The following TTLL5 variants were observed in gnomAD, a reference collection of about 807,000 sequenced individuals.
TTLL5 encodes the protein tubulin polyglutamylase TTLL5.
A neutral mutation model predicts 168.4 loss-of-function variants in TTLL5; 132 were observed. That is an observed-to-expected ratio of 0.78 (90% CI 0.68 to 0.91). The LOEUF (loss-of-function observed/expected upper bound fraction) is 0.91. Among genes scored for constraint, TTLL5 ranks in the 40% least tolerant of loss-of-function variants. TTLL5 has a pLI of 0.00. For synonymous variants in TTLL5, 546 were observed against 558.6 expected (o/e 0.98, Z 0.32); for missense variants, 1,545 against 1,581.5 (o/e 0.98, Z 0.39).
At chr14:75,881,165 C>T (rs2031793013) in intron 29 of TTLL5, among the ~76,000 whole-genome samples, 1 of 152,176 alleles carries the variant, frequency 6.6e-6, no homozygotes, top group African/African-American at 2.4e-5. Context: ...CCACATGTCT[C>T]AGCCTCCCAA....
intron 24 of TTLL5, among the ~76,000 whole-genome samples, chr14:75,782,159 A>G (rs1386262138): frequency 6.6e-6 from 1 of 152,010 alleles, no homozygotes; most frequent in African/African-American, 2.4e-5. Flanking sequence ...AATTCCTGGC[A>G]TAAATCTGAC....
At chr14:75,735,841 T>C (rs1170154326) in intron 15 of TTLL5, among the ~76,000 whole-genome samples, 1 of 152,226 alleles carries the variant, frequency 6.6e-6, no homozygotes, top group Admixed American at 6.5e-5. Flanking sequence ...GCATTTTTGT[T>C]CCAGTTAAAC....
intron 31 of TTLL5, among the ~76,000 whole-genome samples, chr14:75,932,813 A>T (rs8011087): frequency 6.6e-6 from 1 of 152,058 alleles, no homozygotes; most frequent in Non-Finnish European, 1.5e-5. Flanking sequence ...AATAGTTGCC[A>T]TGTCTTCTTC....
chr14:75,756,615 C>G (rs1464208668), intron 18 of TTLL5, among the ~76,000 whole-genome samples: 2 of 151,510 alleles, frequency 1.3e-5, no homozygotes, highest in African/African-American at 2.4e-5. Context: ...TCAAGTGATT[C>G]TCCTGCCTCA....
chr14:75,706,278 A>G (rs190618208), intron 7 of TTLL5, among the ~76,000 whole-genome samples: 6 of 152,136 alleles, frequency 3.9e-5, no homozygotes, highest in Admixed American at 1.3e-4. Flanking sequence ...TTTAAATTCT[A>G]TATTTTGCTG....
chr14:75,790,102 G>A (rs1314499050), intron 26 of TTLL5, among the ~76,000 whole-genome samples: 1 of 152,292 alleles, frequency 6.6e-6, no homozygotes, highest in Non-Finnish European at 1.5e-5. Flanking sequence ...AAGAAAGGGA[G>A]AGATGTCTCA....
intron 9 of TTLL5, among the ~76,000 whole-genome samples, chr14:75,714,097 C>T (rs1259402273): frequency 6.6e-6 from 1 of 152,076 alleles, no homozygotes; most frequent in African/African-American, 2.4e-5. Context: ...TTGAAGATTA[C>T]AGGCCAGTCA....
intron 17 of TTLL5, among the ~76,000 whole-genome samples, chr14:75,751,844 T>C (rs1482918141): frequency 6.6e-6 from 1 of 152,176 alleles, no homozygotes; most frequent in Non-Finnish European, 1.5e-5. Flanking sequence ...AGCAAGTTTA[T>C]TAACAAAGTA....
At chr14:75,770,351 T>A (rs1000143034) in intron 20 of TTLL5, among the ~76,000 whole-genome samples, 1 of 152,132 alleles carries the variant, frequency 6.6e-6, no homozygotes, top group Admixed American at 6.5e-5. Flanking sequence ...CCTGACTCCC[T>A]TGCCCTCCAA....
intron 30 of TTLL5, chr14:75,886,790 A>G (rs1252418414): frequency 2.5e-6 from 4 of 1,592,756 alleles, no homozygotes; most frequent in African/African-American, 1.3e-5. Flanking sequence ...AAACAACTAC[A>G]TGCATCTGAA....
chr14:75,823,905 A>G (rs955742217), intron 28 of TTLL5, among the ~76,000 whole-genome samples: 1 of 152,178 alleles, frequency 6.6e-6, no homozygotes, highest in Non-Finnish European at 1.5e-5. Context: ...TAGATTATAA[A>G]TAGCTTGGTA....
At chr14:75,926,490 C>T (rs776119894) in intron 31 of TTLL5, among the ~76,000 whole-genome samples, 1 of 152,090 alleles carries the variant, frequency 6.6e-6, no homozygotes, top group Non-Finnish European at 1.5e-5. Flanking sequence ...CTGGTACCAA[C>T]AACCCAATTT....
At position 75,699,175 on chromosome 14, in the gene TTLL5, A is replaced by G. The variant is rs1886082268; in HGVS notation, c.503-13A>G. 11 of 1,609,136 alleles carry G rather than the reference A, an allele frequency of 6.8e-6. No individual in the cohort carries two copies. Among genetic ancestry groups the G allele is most frequent in the Non-Finnish European group, 9.4e-6 (11 of 1,175,650 alleles). ...TGTTTCCTCTGTTTTTTATCTCCCA[A>G]TATTTTGAGCAGATTCATATTCGAA... On this transcript the variant is annotated splice_polypyrimidine_tract_variant and intron_variant, in intron 6 of 31. Coordinates refer to ENST00000298832, the MANE Select transcript of TTLL5 (RefSeq NM_015072.5).
intron 5 of TTLL5, 43 bp downstream of exon 5, chr14:75,683,699 G>GCCCCAATGTCATGT: frequency 1.3e-6 from 2 of 1,488,538 alleles, no homozygotes; most frequent in South Asian, 1.1e-5. Context: ...AAAGGTACAT[G>GCCCCAATGTCATGT]ACATTGGGGC....
intron 31 of TTLL5, among the ~76,000 whole-genome samples, chr14:75,917,883 A>C (rs1242584647): frequency 3.3e-5 from 5 of 152,200 alleles, no homozygotes; most frequent in African/African-American, 1.2e-4. Context: ...AGGTAACAGA[A>C]ACTCCGAGAA....
At chr14:75,672,186 T>A (rs1164444093) in intron 3 of TTLL5, among the ~76,000 whole-genome samples, 1 of 152,202 alleles carries the variant, frequency 6.6e-6, no homozygotes, top group Non-Finnish European at 1.5e-5. Flanking sequence ...GAACCTCCCT[T>A]ATATTCCTGA....
At chr14:75,888,232 A>G (rs1260017461) in intron 30 of TTLL5, among the ~76,000 whole-genome samples, 1 of 152,188 alleles carries the variant, frequency 6.6e-6, no homozygotes, top group Non-Finnish European at 1.5e-5. Context: ...TGCTACAACC[A>G]CACCTAATCA....
intron 3 of TTLL5, among the ~76,000 whole-genome samples, chr14:75,673,531 A>C (rs577966408): frequency 6.6e-6 from 1 of 152,312 alleles, no homozygotes; most frequent in East Asian, 1.9e-4. Flanking sequence ...CAAGTGACTT[A>C]GACTCTTTTA....
intron 10 of TTLL5, 56 bp from the exon 11 acceptor site, chr14:75,719,679 G>A (rs551288853): frequency 5.5e-6 from 8 of 1,451,212 alleles, no homozygotes; most frequent in African/African-American, 1.5e-5. Flanking sequence ...AAAGAGTCTT[G>A]TTATTATAGC....
Sources: gnomAD v4.1 joint callset for allele counts (sites outside exome capture counted in the v4.1 genomes callset) on GRCh38, gnomAD v4.1.1 for gene constraint, MANE v1.5 for transcripts, NCBI Gene and HGNC (gene_info 2026-07-23, HGNC 2026-07-21) for gene names.